SDK1: variants seen among roughly 807,000 people sequenced by gnomAD.
The protein encoded by SDK1 is protein sidekick-1.
Under a neutral mutation model 245.5 loss-of-function variants are expected in SDK1, and 157 were observed. The ratio of observed to expected loss-of-function variants is 0.64; its 90% confidence interval spans 0.56 to 0.73. The LOEUF (loss-of-function observed/expected upper bound fraction) is 0.73. Ranked by LOEUF, SDK1 falls within the 30% of genes least tolerant of loss-of-function variation. SDK1 has a pLI of 0.00. For missense variants in SDK1, 3,583 were observed against 3,002.3 expected, an observed-to-expected ratio of 1.19 and a Z score of -4.52; for synonymous variants, 1,647 against 1,278.5, an observed-to-expected ratio of 1.29 and a Z score of -6.15.
chr7:3,357,946 G>A (rs1033566509), intron 1 of SDK1, among the ~76,000 whole-genome samples: 14 of 152,112 alleles, frequency 9.2e-5, no homozygotes, highest in African/African-American at 3.4e-4. Flanking sequence ...CATAAATGAT[G>A]TAGCATAATA....
intron 5 of SDK1, among the ~76,000 whole-genome samples, chr7:3,899,412 C>G (rs1046657711): frequency 5.9e-5 from 9 of 152,230 alleles, no homozygotes; most frequent in African/African-American, 2.2e-4. Flanking sequence ...ATGTCTACCA[C>G]GTGAGATGCA....
chr7:3,715,628 A>C (rs1257193157), intron 4 of SDK1, among the ~76,000 whole-genome samples: 1 of 152,236 alleles, frequency 6.6e-6, no homozygotes, highest in Non-Finnish European at 1.5e-5. Flanking sequence ...ACTACAGCCC[A>C]AAAAAGTAGG....
chr7:3,465,965 T>C (rs1583898931), intron 1 of SDK1, among the ~76,000 whole-genome samples: 1 of 151,938 alleles, frequency 6.6e-6, no homozygotes, highest in Non-Finnish European at 1.5e-5. Flanking sequence ...TCACTCTTTT[T>C]GTTTGTTTGT....
At chr7:3,466,767 C>T (rs909673482) in intron 1 of SDK1, among the ~76,000 whole-genome samples, 3 of 151,400 alleles carry the variant, frequency 2.0e-5, no homozygotes, top group Non-Finnish European at 4.4e-5. Flanking sequence ...AGTATCTCCC[C>T]CCACCCCTTC....
At chr7:3,380,329 C>G (rs944008858) in intron 1 of SDK1, among the ~76,000 whole-genome samples, 12 of 152,210 alleles carry the variant, frequency 7.9e-5, no homozygotes, top group African/African-American at 2.9e-4. Flanking sequence ...TTGCTAGTAT[C>G]TCATAATGTA....
intron 17 of SDK1, among the ~76,000 whole-genome samples, chr7:4,046,621 C>T (rs1272725695): frequency 4.6e-5 from 7 of 152,120 alleles, no homozygotes; most frequent in Non-Finnish European, 1.0e-4. Context: ...AATTTCTTGC[C>T]TGTCTTCTCT....
chr7:3,313,548 T>G (rs7791820), intron 1 of SDK1, among the ~76,000 whole-genome samples: 91,604 of 152,090 alleles, frequency 0.6, 28,399 homozygotes, highest in African/African-American at 0.76. Context: ...ATAGGAAGCA[T>G]TGTTGCAATG....
chr7:4,117,397 G>A (rs958975951), intron 25 of SDK1, among the ~76,000 whole-genome samples: 1 of 152,212 alleles, frequency 6.6e-6, no homozygotes, highest in Non-Finnish European at 1.5e-5. Flanking sequence ...GGGCCTGGGA[G>A]TTTGAGGCTG....
chr7:3,720,832 C>A (rs1261706066), intron 4 of SDK1, among the ~76,000 whole-genome samples: 2 of 152,158 alleles, frequency 1.3e-5, no homozygotes, highest in African/African-American at 4.8e-5. Context: ...TAGCCCAAAC[C>A]TAGGAAAAGT....
intron 17 of SDK1, among the ~76,000 whole-genome samples, chr7:4,020,295 G>A (rs562150160): frequency 3.9e-5 from 6 of 152,136 alleles, no homozygotes; most frequent in Non-Finnish European, 7.4e-5. Flanking sequence ...TGGGGGACAT[G>A]GCTGGCTTGG....
intron 27 of SDK1, among the ~76,000 whole-genome samples, chr7:4,130,920 C>T (rs1384938091): frequency 6.6e-6 from 1 of 152,012 alleles, no homozygotes; most frequent in Non-Finnish European, 1.5e-5. Flanking sequence ...CTAAATGAGC[C>T]CGAAAGTCCT....
intron 1 of SDK1, among the ~76,000 whole-genome samples, chr7:3,418,874 G>A (rs182919317): frequency 6.4e-4 from 98 of 152,228 alleles, no homozygotes; most frequent in East Asian, 2.7e-3. Context: ...AAATCTGCAC[G>A]TACTCAGTCT....
intron 6 of SDK1, among the ~76,000 whole-genome samples, 159 bp from the exon 7 acceptor site, chr7:3,951,571 A>G (rs1780839040): frequency 6.6e-6 from 1 of 152,176 alleles, no homozygotes; most frequent in African/African-American, 2.4e-5. Context: ...GGGAGGGAGT[A>G]GAGTTACATC....
intron 13 of SDK1, among the ~76,000 whole-genome samples, chr7:3,986,838 C>T (rs536753505): frequency 2.6e-5 from 4 of 152,130 alleles, no homozygotes; most frequent in East Asian, 1.9e-4. Context: ...CCAGGCTGGG[C>T]GACAGAGCGA....
At chr7:3,870,102 AT>A (rs2115132190) in intron 5 of SDK1, among the ~76,000 whole-genome samples, 1 of 152,328 alleles carries the variant, frequency 6.6e-6, no homozygotes, top group African/African-American at 2.4e-5. Context: ...AAAATGCATC[AT>A]TCTTTAATAC....
intron 1 of SDK1, among the ~76,000 whole-genome samples, chr7:3,551,358 C>T (rs552810117): frequency 2.6e-5 from 4 of 152,070 alleles, no homozygotes; most frequent in Non-Finnish European, 5.9e-5. Context: ...ATATGTTATA[C>T]GATATGCCAA....
rs74647098 is a variant in SDK1, at chr7:3,358,551, C to T, written c.298+56667C>T. 5.5e-4 allele frequency among the ~76,000 whole-genome samples: 83 copies of T among 152,088 alleles called. 1 individual carries two copies. The East Asian group carries it at 0.013, about 23-fold the overall frequency. On this transcript the variant is annotated intron_variant, in intron 1 of 44. Transcript: ENST00000404826. ...GAGTCAGCCATCATTACATTGTTCA[C>T]GCTTACAGCATAAGTTAAGGTAGGA...
intron 1 of SDK1, among the ~76,000 whole-genome samples, chr7:3,475,534 C>G (rs1320593866): frequency 6.6e-6 from 1 of 152,202 alleles, no homozygotes; most frequent in Non-Finnish European, 1.5e-5. Context: ...TCTTTTTCCT[C>G]TAACGTCTTT....
chr7:3,874,308 A>T (rs1781023478), intron 5 of SDK1, among the ~76,000 whole-genome samples: 1 of 152,000 alleles, frequency 6.6e-6, no homozygotes, highest in Non-Finnish European at 1.5e-5. Context: ...CCCTGACTTG[A>T]CTTTGAGTCT....
Sources: gnomAD v4.1 joint callset for allele counts (sites outside exome capture counted in the v4.1 genomes callset) on GRCh38, gnomAD v4.1.1 for gene constraint, MANE v1.5 for transcripts, NCBI Gene and HGNC (gene_info 2026-07-23, HGNC 2026-07-21) for gene names.